The following IL1RAPL2 variants were observed in gnomAD, a reference collection of about 807,000 sequenced individuals.
IL1RAPL2 encodes the protein X-linked interleukin-1 receptor accessory protein-like 2.
IL1RAPL2 carries 3 observed loss-of-function variants against 44.1 expected under a neutral mutation model. The observed-to-expected ratio is 0.07, with a 90% CI of 0.03 to 0.18. IL1RAPL2 has a LOEUF of 0.18. IL1RAPL2 is among the 10% of genes least tolerant of loss of function. IL1RAPL2 has a pLI of 1.00. For missense variants in IL1RAPL2, 391 were observed against 496.4 expected (o/e 0.79, Z 2.02); for synonymous variants, 181 against 178.8 (o/e 1.01, Z -0.10).
intron 2 of IL1RAPL2, among the ~76,000 whole-genome samples, chrX:104,729,447 C>CTTTTTTTTTT (rs5903245): frequency 2.2e-5 from 1 of 46,481 alleles, no homozygotes; most frequent in Non-Finnish European, 4.0e-5. Context: ...GGCCTGCTGC[C>CTTTTTTTTTT]TTTTTTTTTT....
intron 2 of IL1RAPL2, among the ~76,000 whole-genome samples, chrX:104,780,900 G>T (rs1932767761): frequency 9.0e-6 from 1 of 111,377 alleles, no homozygotes; most frequent in Non-Finnish European, 1.9e-5. Context: ...TATTTGGTAT[G>T]AACAGACTCA....
chrX:104,776,647 A>G (rs1251748946), intron 2 of IL1RAPL2, among the ~76,000 whole-genome samples: 1 of 111,708 alleles, frequency 9.0e-6, no homozygotes, highest in East Asian at 2.8e-4. Context: ...CTGTAATTGG[A>G]GTTTGTTTTA....
At chrX:105,305,013 G>T (rs988532570) in intron 5 of IL1RAPL2, among the ~76,000 whole-genome samples, 13 of 111,213 alleles carry the variant, frequency 1.2e-4, no homozygotes, top group African/African-American at 4.3e-4. Context: ...AGGAAAGGGG[G>T]AGGGAAGGTG....
At chrX:105,320,234 C>T (rs910876331) in intron 5 of IL1RAPL2, among the ~76,000 whole-genome samples, 1 of 111,806 alleles carries the variant, frequency 8.9e-6, no homozygotes, top group African/African-American at 3.3e-5. Context: ...ATTGAACTGA[C>T]ATTTAGCCCT....
intron 2 of IL1RAPL2, among the ~76,000 whole-genome samples, chrX:104,893,352 C>T (rs975718804): frequency 9.0e-6 from 1 of 111,349 alleles, no homozygotes; most frequent in African/African-American, 3.3e-5. Flanking sequence ...TCCTCATTAA[C>T]TTTCTGTCTC....
intron 6 of IL1RAPL2, among the ~76,000 whole-genome samples, chrX:105,566,078 G>C (rs1016115440): frequency 4.5e-5 from 5 of 111,148 alleles, no homozygotes; most frequent in Non-Finnish European, 9.4e-5. Context: ...GTGAAGGCCA[G>C]ATATAAGGAA....
At chrX:105,480,310 C>T (rs781301179) in intron 5 of IL1RAPL2, among the ~76,000 whole-genome samples, 1 of 112,036 alleles carries the variant, frequency 8.9e-6, no homozygotes, top group East Asian at 2.8e-4. Context: ...TGGAAAAGAA[C>T]AAGTTATTTT....
At chrX:104,693,334 CCTT>C (rs1931125602) in intron 2 of IL1RAPL2, among the ~76,000 whole-genome samples, 2 of 111,731 alleles carry the variant, frequency 1.8e-5, no homozygotes, top group South Asian at 7.5e-4. Flanking sequence ...TGTCACTCCT[CCTT>C]AGAACCCTCT....
intron 2 of IL1RAPL2, among the ~76,000 whole-genome samples, chrX:104,696,283 A>C (rs1931181775): frequency 8.9e-6 from 1 of 112,129 alleles, no homozygotes; most frequent in African/African-American, 3.2e-5. Context: ...CACAAGGTTA[A>C]ACAGCTAATG....
At chrX:105,314,294 A>C (rs1411694622) in intron 5 of IL1RAPL2, among the ~76,000 whole-genome samples, 2 of 111,055 alleles carry the variant, frequency 1.8e-5, no homozygotes, top group Non-Finnish European at 3.8e-5. Flanking sequence ...TGAAAAAAAA[A>C]AATCACTAAT....
rs112077130 is a variant in IL1RAPL2 at position 104,893,786 on chromosome X, G to C, written c.82+234791G>C. ...TAATGGGAGCATTTAGCCCATTTAC[G>C]TTTAAGGTTAATATTGTTATGTGTG... On this transcript the variant is annotated intron_variant, in intron 2 of 10. Transcript: ENST00000372582. Among the ~76,000 whole-genome samples, 15 of 111,307 alleles carry C rather than the reference G, an allele frequency of 1.3e-4. No homozygotes were observed. The East Asian group carries it at 4.2e-3, about 31-fold the overall frequency.
chrX:104,639,668 C>A (rs1045713362), intron 1 of IL1RAPL2, among the ~76,000 whole-genome samples: 13 of 110,875 alleles, frequency 1.2e-4, no homozygotes, highest in African/African-American at 3.6e-4. Flanking sequence ...GTTTAGGACT[C>A]CCTTAAGTAT....
At chrX:105,136,831 T>G (rs1019744230) in intron 2 of IL1RAPL2, among the ~76,000 whole-genome samples, 6 of 112,195 alleles carry the variant, frequency 5.3e-5, no homozygotes, top group Admixed American at 4.7e-4. Flanking sequence ...ATTTCAATGT[T>G]AGCTTGTAAA....
intron 2 of IL1RAPL2, among the ~76,000 whole-genome samples, chrX:104,776,967 T>C (rs1932729013): frequency 8.9e-6 from 1 of 111,829 alleles, no homozygotes; most frequent in Non-Finnish European, 1.9e-5. Flanking sequence ...ATCGTGTCTA[T>C]GTAGGATCCT....
intron 5 of IL1RAPL2, among the ~76,000 whole-genome samples, chrX:105,320,587 T>C (rs1236881504): frequency 9.2e-6 from 1 of 108,654 alleles, no homozygotes; most frequent in Non-Finnish European, 1.9e-5. Flanking sequence ...TGTGCAGGTA[T>C]GTGTATGTGT....
chrX:104,814,796 A>G (rs1818439770), intron 2 of IL1RAPL2, among the ~76,000 whole-genome samples: 2 of 112,178 alleles, frequency 1.8e-5, no homozygotes, highest in Admixed American at 1.9e-4. Flanking sequence ...TTATTTCTAC[A>G]TCAAAGAAAG....
chrX:105,041,641 G>T (rs1332680965), intron 2 of IL1RAPL2, among the ~76,000 whole-genome samples: 2 of 109,182 alleles, frequency 1.8e-5, no homozygotes, highest in African/African-American at 6.7e-5. Context: ...CGTGAAAATG[G>T]CCATACTGCC....
At chrX:105,623,021 TG>T (rs1007426448) in intron 6 of IL1RAPL2, among the ~76,000 whole-genome samples, 8 of 111,090 alleles carry the variant, frequency 7.2e-5, no homozygotes, top group Non-Finnish European at 1.5e-4. Context: ...ACCTGTAAAA[TG>T]GGGGAAGTTA....
At chrX:105,075,306 G>T (rs992546645) in intron 2 of IL1RAPL2, among the ~76,000 whole-genome samples, 2 of 111,733 alleles carry the variant, frequency 1.8e-5, no homozygotes, top group African/African-American at 6.5e-5. Context: ...TAATCATGTG[G>T]TTTTTGTCTT....
Sources: gnomAD v4.1 joint callset for allele counts (sites outside exome capture counted in the v4.1 genomes callset) on GRCh38, gnomAD v4.1.1 for gene constraint, MANE v1.5 for transcripts, NCBI Gene and HGNC (gene_info 2026-07-23, HGNC 2026-07-21) for gene names.